Variants in AASDH observed in about 807,000 individuals in gnomAD.
AASDH encodes the protein beta-alanine-activating enzyme.
A neutral mutation model predicts 102.3 loss-of-function variants in AASDH; 81 were observed. The observed-to-expected ratio is 0.79, with a 90% CI of 0.66 to 0.95. The LOEUF is 0.95. AASDH is among the 40% of genes least tolerant of loss of function. AASDH has a pLI of 0.00. For missense variants in AASDH, 1,203 were observed against 1,266.2 expected (o/e 0.95, Z 0.76); for synonymous variants, 398 against 454.0 (o/e 0.88, Z 1.57).
intron 1 of AASDH, among the ~76,000 whole-genome samples, chr4:56,386,753 A>G (rs1235696949): frequency 7.8e-6 from 1 of 127,840 alleles, no homozygotes; most frequent in Admixed American, 9.6e-5. Context: ...AGATTGCGCC[A>G]CTGCAGTCCG....
chr4:56,384,085 G>C lies in AASDH; in HGVS notation c.215C>G (p.Pro72Arg). Reference protein sequence around the residue: ...GLYCQPGIDLPSWILGILQVP... With the variant: ...GLYCQPGIDLRSWILGILQVP... ...AAAATATTACCCTAAAATCCAAGAG[G>C]GTAAGTCTATCCCAGGTTGGCAGTA... The change falls in exon 2 of 15, where the codon CCC becomes CGC. Residue 72 changes from proline to arginine, a missense_variant. Transcript: ENST00000205214. 3 of 1,613,534 alleles carry C rather than the reference G, an allele frequency of 1.9e-6. No individual in the cohort carries two copies. The highest frequency in any genetic ancestry group is 2.5e-6 in the Non-Finnish European group (3 of 1,179,522).
Position 56,354,172 on chromosome 4 carries a change from G to T in AASDH, c.1250C>A (p.Thr417Lys). ...NRVCFLDDEV[T>K]VPLGTMRATG... ...AGCTCGCATTGTGCCAAGTGGTACT[G>T]TCACTTCATCATCAAGAAAACACAC... Residue 417 changes from threonine (T) to lysine (K), a missense_variant, in exon 8 of 15, where the codon ACA (threonine) becomes AAA (lysine). Physicochemically the swap from Thr to Lys is moderately conservative, Grantham distance 78. Coordinates refer to ENST00000205214, the MANE Select transcript of AASDH (RefSeq NM_181806.4). 1.2e-6 allele frequency: 2 copies of T among 1,603,192 alleles called. No individual in the cohort carries two copies. The highest frequency in any genetic ancestry group is 1.7e-6 in the Non-Finnish European group (2 of 1,174,014).
chr4:56,349,643 G>C lies in AASDH; in HGVS notation c.2108C>G (p.Ser703Cys). The C allele has an allele frequency of 1.2e-6, 2 of 1,614,186 alleles. No individual in the cohort carries two copies. The highest frequency in any genetic ancestry group is 1.7e-6 in the Non-Finnish European group (2 of 1,180,036). Reference sequence around the variant, plus strand: ...AACTGAGTCAGAAGGACAGGCTGAAGAGCAATGTCCTAACTTTGTTAAAAA... The same window carrying C: ...AACTGAGTCAGAAGGACAGGCTGAACAGCAATGTCCTAACTTTGTTAAAAA... ...TRFLTKLGHC[S>C]SACPSDSVSQ... Residue 703 changes from serine (S) to cysteine (C), a missense_variant, in exon 11 of 15, where the codon TCT (serine) becomes TGT (cysteine). Transcript: ENST00000205214.
At chr4:56,357,685 TAAATGGAATC>T (rs1251163572) in intron 5 of AASDH, among the ~76,000 whole-genome samples, 10 of 150,718 alleles carry the variant, frequency 6.6e-5, no homozygotes, top group African/African-American at 2.4e-4. Context: ...TCCATTTATA[TAAATGGAATC>T]ATAAAATAAG....
At position 56,343,676 on chromosome 4, in the gene AASDH, C is replaced by A. The variant is rs557155951; in HGVS notation, c.2661G>T (p.Lys887Asn). The stretch of plus-strand genomic sequence containing the variant: ...CTCCACATTTTGACTTCCAAACACA[C>A]TTCTTTCTCTGCAAATAAGAAAACA... ...HAYALDIYRK[K>N]CVWKSKCGGT... The change falls in exon 13 of 15, where the codon AAG (lysine) becomes AAT (asparagine). Residue 887 changes from lysine to asparagine, a missense_variant. Transcript: ENST00000205214. 3.1e-6 allele frequency: 5 copies of A among 1,606,988 alleles called. No homozygotes were observed. The African/African-American group carries it at 5.3e-5, about 17-fold the overall frequency.
At position 56,371,524 on chromosome 4, in the gene AASDH, G is replaced by A; in HGVS notation, c.788C>T (p.Pro263Leu). The change falls in exon 5 of 15, where the codon CCA (proline) becomes CTA (leucine). Residue 263 changes from proline to leucine, a missense_variant. Transcript: ENST00000205214. The stretch of plus-strand genomic sequence containing the variant: ...TGATGGGAGCAACTTGACGGAAGTT[G>A]GTACAATAAGCAGAGAGGCACCACT... ...LSSGASLLIV[P>L]TSVKLLPSKL... 1 of 1,613,174 alleles carries A rather than the reference G, an allele frequency of 6.2e-7. No homozygotes were observed. The highest frequency in any genetic ancestry group is 8.5e-7 in the Non-Finnish European group (1 of 1,179,862).
chr4:56,339,235 C>G (rs1003415377), intron 14 of AASDH, among the ~76,000 whole-genome samples: 1 of 151,764 alleles, frequency 6.6e-6, no homozygotes, highest in African/African-American at 2.4e-5. Context: ...CTCACTGCAT[C>G]CTCTGCTTGC....
At chr4:56,345,340 A>T (rs1449858410) in intron 11 of AASDH, 50 bp from the exon 12 acceptor site, 4 of 1,547,350 alleles carry the variant, frequency 2.6e-6, no homozygotes, top group Non-Finnish European at 1.8e-6. Flanking sequence ...ATTACTGGAA[A>T]ATAATTCTTT....
chr4:56,355,529 G>A, intron 5 of AASDH, 106 bp from the exon 6 acceptor site: 1 of 1,020,142 alleles, frequency 9.8e-7, no homozygotes, highest in East Asian at 3.0e-5. Flanking sequence ...ACATGGAAAT[G>A]AAGGCTGTGT....
intron 1 of AASDH, among the ~76,000 whole-genome samples, chr4:56,387,021 C>T (rs1753647671): frequency 6.6e-6 from 1 of 152,070 alleles, no homozygotes. Flanking sequence ...TTTCCCAATT[C>T]CCCGGCTTCT....
intron 13 of AASDH, among the ~76,000 whole-genome samples, chr4:56,343,346 A>G (rs550388336): frequency 9.2e-6 from 1 of 108,808 alleles, no homozygotes; most frequent in Non-Finnish European, 1.9e-5. Flanking sequence ...CAAAAAACAA[A>G]CAAACAAACA....
chr4:56,343,558 C>A lies in AASDH; in HGVS notation c.2775+4G>T. On this transcript the variant is annotated splice_donor_region_variant and intron_variant, in intron 13 of 14. Transcript: ENST00000205214. ...AAAATCAATATGTATTATTTTATGCCTACAGGATTTACAGCCAGTAAAAGT... is the reference window on the plus strand; with the variant it reads ...AAAATCAATATGTATTATTTTATGCATACAGGATTTACAGCCAGTAAAAGT... 1 of 1,599,044 alleles carries A rather than the reference C, an allele frequency of 6.3e-7. No homozygotes were observed. Among genetic ancestry groups the A allele is most frequent in the Non-Finnish European group, 8.5e-7 (1 of 1,172,804 alleles).
chr4:56,353,432 C>G lies in AASDH; in HGVS notation c.1548G>C (p.Leu516Phe). Residue 516 changes from leucine to phenylalanine, a missense_variant, in exon 9 of 15, where the codon TTG becomes TTC. By Grantham distance (22) the Leu-to-Phe change is conservative (BLOSUM62 0). Coordinates refer to ENST00000205214, the MANE Select transcript of AASDH (RefSeq NM_181806.4). ...GGGATGTAAATGGTAGAGAGTCGAT[C>G]AATACAAGCTCATCCGGGACTGCAT... is the stretch of plus-strand genomic sequence containing the variant. ...PSHAVPDELV[L>F]IDSLPFTSHG... 6.2e-7 allele frequency: 1 copy of G among 1,609,494 alleles called. No homozygotes were observed. The highest frequency in any genetic ancestry group is 8.5e-7 in the Non-Finnish European group (1 of 1,178,542).
At chr4:56,384,389 C>G in intron 1 of AASDH, 48 bp from the exon 2 acceptor site, 1 of 1,052,896 alleles carries the variant, frequency 9.5e-7, no homozygotes, top group South Asian at 1.5e-5. Flanking sequence ...TTAGAGAGCT[C>G]GGTGGAGGGA....
chr4:56,366,375 C>G (rs1036959661), intron 5 of AASDH, among the ~76,000 whole-genome samples: 1 of 152,164 alleles, frequency 6.6e-6, no homozygotes, highest in African/African-American at 2.4e-5. Flanking sequence ...TTTTATGAGG[C>G]CAGCATCATC....
chr4:56,338,510 A>C lies in AASDH; in HGVS notation c.3189T>G (p.Leu1063=), dbSNP rs765486476. Reference sequence around the variant, plus strand: ...CAGGAGAAGAGAAGACTTCTCCAGGAAGTTCATAAACACTTTGCAATTGTC... The same window carrying C: ...CAGGAGAAGAGAAGACTTCTCCAGGCAGTTCATAAACACTTTGCAATTGTC... ...QSGQLQSVYE[L]PGEVFSSPVV... is the part of the protein sequence containing the mutation. Residue 1063 remains leucine, a synonymous_variant, in exon 15 of 15, where the codon CTT becomes CTG. Transcript: ENST00000205214. 2 of 1,614,012 alleles carry C rather than the reference A, an allele frequency of 1.2e-6. No homozygotes were observed. Among genetic ancestry groups the C allele is most frequent in the Middle Eastern group, 1.7e-4 (1 of 6,060 alleles).
chr4:56,384,038 A>C (rs1753268953), intron 2 of AASDH, 32 bp downstream of exon 2: 2 of 1,550,692 alleles, frequency 1.3e-6, no homozygotes, highest in African/African-American at 2.7e-5. Context: ...AGCTTGGAGT[A>C]ACATCAAATT....
rs534190283 is a variant in AASDH, at chr4:56,382,988, C to T, written c.231-391G>A. Among the ~76,000 whole-genome samples, 772 of 152,216 alleles carry T rather than the reference C, an allele frequency of 5.1e-3. 1 individual carries two copies. The highest frequency in any genetic ancestry group is 0.018 in the African/African-American group (730 of 41,550). ...AGGAGAATTGCTTGAACCCGGGAGG[C>T]GGAGGTTGCGGTGAGCCGAGATCAC... is the stretch of plus-strand genomic sequence containing the variant. On this transcript the variant is annotated intron_variant, in intron 2 of 14. Coordinates refer to ENST00000205214, the MANE Select transcript of AASDH (RefSeq NM_181806.4).
At chr4:56,381,302 G>A (rs988210227) in intron 3 of AASDH, among the ~76,000 whole-genome samples, 1 of 152,152 alleles carries the variant, frequency 6.6e-6, no homozygotes, top group Non-Finnish European at 1.5e-5. Flanking sequence ...CAGGTGTGGT[G>A]GCTCATGCCT....
Sources: gnomAD v4.1 joint callset for allele counts (sites outside exome capture counted in the v4.1 genomes callset) on GRCh38, gnomAD v4.1.1 for gene constraint, MANE v1.5 for transcripts, NCBI Gene and HGNC (gene_info 2026-07-23, HGNC 2026-07-21) for gene names.